Variants in CCDC38 observed in about 807,000 individuals in gnomAD.
CCDC38 encodes the protein coiled-coil domain-containing protein 38.
Under a neutral mutation model 72.8 loss-of-function variants are expected in CCDC38, and 69 were observed. The observed-to-expected ratio is 0.95, with a 90% CI of 0.78 to 1.16. The LOEUF is 1.16. Among genes scored for constraint, CCDC38 ranks in the 50% most tolerant of loss-of-function variants. The probability of loss-of-function intolerance (pLI) is 0.00; values close to 1 mark genes in which losing one functional copy is unlikely to be tolerated. For missense variants in CCDC38, 626 were observed against 638.9 expected (o/e 0.98, Z 0.22); for synonymous variants, 201 against 213.2 (o/e 0.94, Z 0.50).
At chr12:95,922,880 G>A (rs767519177) in intron 2 of CCDC38, among the ~76,000 whole-genome samples, 157 of 152,194 alleles carry the variant, frequency 1.0e-3, no homozygotes, top group African/African-American at 2.4e-3. Context: ...AATTGTGTGC[G>A]TCAACTTGAC....
chr12:95,924,731 G>A lies in CCDC38; in HGVS notation c.38-5755C>T, dbSNP rs1284556328. Reference sequence around the variant, plus strand: ...TAATTTTTGTATAAGGGGTAAGGAAGGGATCCAGTTTCAGCTTTCTACATA... The same window carrying A: ...TAATTTTTGTATAAGGGGTAAGGAAAGGATCCAGTTTCAGCTTTCTACATA... On this transcript the variant is annotated intron_variant, in intron 2 of 15. Transcript: ENST00000344280. 1.3e-3 allele frequency among the ~76,000 whole-genome samples: 195 copies of A among 151,130 alleles called. 1 individual carries two copies. Among genetic ancestry groups the A allele is most frequent in the African/African-American group, 4.0e-3 (167 of 41,302 alleles).
chr12:95,928,786 G>T (rs1373776855), intron 2 of CCDC38, among the ~76,000 whole-genome samples: 1 of 152,200 alleles, frequency 6.6e-6, no homozygotes, highest in Admixed American at 6.5e-5. Context: ...AGGTCTGTTG[G>T]AGTACCCGGC....
At chr12:95,923,591 T>C (rs1468016848) in intron 2 of CCDC38, among the ~76,000 whole-genome samples, 1 of 152,122 alleles carries the variant, frequency 6.6e-6, no homozygotes, top group Admixed American at 6.5e-5. Context: ...GTGCACAATG[T>C]GCAGGTTAGT....
chr12:95,879,960 G>T lies in CCDC38; in HGVS notation c.991-165C>A. 1 of 472,328 alleles carries T rather than the reference G, an allele frequency of 2.1e-6. No homozygotes were observed. Among genetic ancestry groups the T allele is most frequent in the Non-Finnish European group, 3.8e-6 (1 of 265,852 alleles). 29.3% of individuals were successfully genotyped at this position (472,328 alleles called of 1,614,324 possible). A position where few individuals can be genotyped will look rare whatever the true frequency, so the allele number is the denominator to read the frequency against. ...ACTCGCCTATTTCCAAGTGAGAGCT[G>T]GCTTTCAGAAAGAGCACATTTGCAG... On this transcript the variant is annotated intron_variant, in intron 11 of 15. Transcript: ENST00000344280. The surrounding 1 kb of genome is among the most constrained non-coding windows in gnomAD (Gnocchi z 5.5).
In CCDC38 at chr12:95,879,524, TA is replaced by T. The variant is rs1213222211; in HGVS notation, c.1142+119del. On this transcript the variant is annotated intron_variant, in intron 12 of 15. Transcript: ENST00000344280. This position sits in a 1 kb window ranked among gnomAD's most constrained non-coding sequence, Gnocchi z 5.5. ...TTTTGCACTCCACAATGTAAACTAT[TA>T]AAAACCCCAGCCTACATTCACAGAG... 1.6e-6 allele frequency: 1 copy of T among 625,358 alleles called. No individual in the cohort carries two copies. The highest frequency in any genetic ancestry group is 2.7e-6 in the Non-Finnish European group (1 of 370,026). The allele number at this position is 625,358 out of a possible 1,614,324, so 38.7% of individuals were successfully genotyped here. A position where few individuals can be genotyped will look rare whatever the true frequency, so the allele number is the denominator to read the frequency against.
intron 8 of CCDC38, among the ~76,000 whole-genome samples, chr12:95,893,649 T>C (rs1190794382): frequency 3.3e-5 from 5 of 151,862 alleles, no homozygotes; most frequent in African/African-American, 9.7e-5. Context: ...GCCCAGCTAA[T>C]ATTTTGTTTT....
intron 14 of CCDC38, 51 bp downstream of exon 14, chr12:95,872,204 C>A: frequency 6.5e-7 from 1 of 1,546,954 alleles, no homozygotes; most frequent in South Asian, 1.1e-5. Context: ...TTTGTGGAAT[C>A]TGAGCAAAAC....
chr12:95,890,533 A>C (rs1592766703), intron 9 of CCDC38, among the ~76,000 whole-genome samples: 2 of 152,268 alleles, frequency 1.3e-5, no homozygotes, highest in East Asian at 3.8e-4. Context: ...GGCAGAAGGC[A>C]GGTCCGCGCC....
intron 4 of CCDC38, among the ~76,000 whole-genome samples, chr12:95,912,547 C>T (rs568834875): frequency 6.6e-5 from 10 of 151,952 alleles, no homozygotes; most frequent in African/African-American, 1.2e-4. Context: ...TGTGCTGTAG[C>T]GCTGTAAGGT....
intron 7 of CCDC38, among the ~76,000 whole-genome samples, chr12:95,897,994 G>A (rs931126549): frequency 6.6e-6 from 1 of 152,084 alleles, no homozygotes; most frequent in Non-Finnish European, 1.5e-5. Context: ...CCCAATTTCA[G>A]AGATGTTAAA....
chr12:95,890,700 C>A, intron 9 of CCDC38, 132 bp downstream of exon 9: 1 of 552,838 alleles, frequency 1.8e-6, no homozygotes, highest in East Asian at 3.1e-5. Context: ...AACCAGAGCC[C>A]CTGGCTGCTA....
At chr12:95,899,966 C>T (rs969343961) in intron 5 of CCDC38, among the ~76,000 whole-genome samples, 6 of 152,068 alleles carry the variant, frequency 3.9e-5, no homozygotes, top group African/African-American at 1.4e-4. Flanking sequence ...GAAAGTCTCC[C>T]TGATGTGGTG....
chr12:95,913,542 A>G (rs1469091553), intron 4 of CCDC38, among the ~76,000 whole-genome samples: 1 of 152,216 alleles, frequency 6.6e-6, no homozygotes, highest in African/African-American at 2.4e-5. Flanking sequence ...CCCACATTGG[A>G]AAGTGAAGGA....
intron 2 of CCDC38, chr12:95,933,352 C>T (rs1327358053): frequency 6.6e-6 from 1 of 152,044 alleles, no homozygotes; most frequent in Non-Finnish European, 1.5e-5. Flanking sequence ...AGAGCACTAA[C>T]AACCTAAAGA....
At chr12:95,910,666 A>G (rs1051358986) in intron 4 of CCDC38, among the ~76,000 whole-genome samples, 2 of 152,242 alleles carry the variant, frequency 1.3e-5, no homozygotes, top group African/African-American at 4.8e-5. Flanking sequence ...GTTCAAGACC[A>G]GACTGAGCAA....
chr12:95,876,400 C>T (rs867438565), intron 13 of CCDC38, among the ~76,000 whole-genome samples: 3 of 151,934 alleles, frequency 2.0e-5, no homozygotes, highest in Non-Finnish European at 4.4e-5. Context: ...ACTACTGACC[C>T]GTACATTTAA....
At position 95,898,537 on chromosome 12, in the gene CCDC38, G is replaced by A. The variant is rs770785777; in HGVS notation, c.533+31C>T. The A allele has an allele frequency of 4.3e-6, 7 of 1,613,798 alleles. No homozygotes were observed. The South Asian group carries it at 6.6e-5, about 15-fold the overall frequency. On this transcript the variant is annotated intron_variant, in intron 6 of 15. Coordinates refer to ENST00000344280, the MANE Select transcript of CCDC38 (RefSeq NM_182496.3). ...AACAAACAAACAAACAAAAGAGGTG[G>A]GAAGGATTTGGCCAGAGTGATGAAA... is the stretch of plus-strand genomic sequence containing the variant.
intron 10 of CCDC38, among the ~76,000 whole-genome samples, chr12:95,881,806 T>C (rs563290902): frequency 1.3e-5 from 2 of 152,308 alleles, no homozygotes; most frequent in South Asian, 4.1e-4. Context: ...GGCCATACCA[T>C]ATGGTACCAA....
chr12:95,868,880 G>T (rs1374053798), intron 15 of CCDC38, among the ~76,000 whole-genome samples: 1 of 152,100 alleles, frequency 6.6e-6, no homozygotes, highest in East Asian at 1.9e-4. Flanking sequence ...AAGTGACTCT[G>T]GGCAAATCAT....
Sources: gnomAD v4.1 joint callset for allele counts (sites outside exome capture counted in the v4.1 genomes callset) on GRCh38, gnomAD v4.1.1 for gene constraint, Gnocchi (gnomAD v3.1) non-coding constraint, MANE v1.5 for transcripts, NCBI Gene and HGNC (gene_info 2026-07-23, HGNC 2026-07-21) for gene names.